Variants in FER1L5 observed in about 807,000 individuals in gnomAD.
The protein encoded by FER1L5 is fer-1-like protein 5.
FER1L5 carries 187 observed loss-of-function variants against 279.9 expected under a neutral mutation model. That is an observed-to-expected ratio of 0.67 (90% CI 0.59 to 0.75). The LOEUF is 0.75. FER1L5 is among the 30% of genes least tolerant of loss of function. The probability of loss-of-function intolerance (pLI) is 0.00; values close to 1 mark genes in which losing one functional copy is unlikely to be tolerated. For missense variants in FER1L5, 2,091 were observed against 2,594.4 expected (o/e 0.81, Z 4.21); for synonymous variants, 921 against 989.7 (o/e 0.93, Z 1.30).
Position 96,702,808 on chromosome 2 carries a change from C to A in FER1L5, c.5397+67C>A. On this transcript the variant is annotated intron_variant, in intron 48 of 52. Coordinates refer to ENST00000624922, the MANE Select transcript of FER1L5 (RefSeq NM_001293083.2). This position sits in a 1 kb window ranked among gnomAD's most constrained non-coding sequence, Gnocchi z 4.0. ...CAGACCCAGGCTCCTGGAGCTCCTC[C>A]CCCCACCCCTCCAGAGGCTTGCAAT... 1.3e-6 allele frequency: 2 copies of A among 1,587,396 alleles called. No homozygotes were observed. Among genetic ancestry groups the A allele is most frequent in the South Asian group, 1.1e-5 (1 of 87,862 alleles).
chr2:96,670,347 C>A, intron 18 of FER1L5, 100 bp downstream of exon 18: 1 of 1,457,364 alleles, frequency 6.9e-7, no homozygotes, highest in Non-Finnish European at 9.2e-7. Flanking sequence ...AGGCCCTGGC[C>A]ACTGGCTGTT....
chr2:96,700,420 G>A lies in FER1L5; in HGVS notation c.5019G>A (p.Glu1673=), dbSNP rs1361133518. 1 of 1,613,808 alleles carries A rather than the reference G, an allele frequency of 6.2e-7. No homozygotes were observed. Among genetic ancestry groups the A allele is most frequent in the South Asian group, 1.1e-5 (1 of 91,082 alleles). ...TGCACACCCAGGGGCTGGTACCTGA[G>A]CACGTGGAGACCCGCACACTGTACA... The part of the protein sequence containing the change: ...YLLHTQGLVP[E]HVETRTLYSH... Residue 1673 remains glutamate, a synonymous_variant, in exon 45 of 53, where the codon GAG becomes GAA. Transcript: ENST00000624922.
chr2:96,696,120 G>A (rs558945224), intron 37 of FER1L5, 43 bp downstream of exon 37: 28 of 1,611,944 alleles, frequency 1.7e-5, no homozygotes, highest in South Asian at 5.5e-5. Flanking sequence ...TACTGTTGAC[G>A]GGGTATAACC....
At chr2:96,688,140 G>A (rs972565087) in intron 24 of FER1L5, among the ~76,000 whole-genome samples, 193 bp downstream of exon 24, 1 of 152,228 alleles carries the variant, frequency 6.6e-6, no homozygotes, top group African/African-American at 2.4e-5. Flanking sequence ...GTCTGCTGGA[G>A]GAGGCAGAGA....
chr2:96,671,421 G>C (rs1004643942), intron 18 of FER1L5, among the ~76,000 whole-genome samples: 1 of 152,224 alleles, frequency 6.6e-6, no homozygotes, highest in African/African-American at 2.4e-5. Context: ...CCAACAGAAC[G>C]TAAGTGAGGC....
intron 19 of FER1L5, among the ~76,000 whole-genome samples, chr2:96,683,124 C>T (rs1024932275): frequency 1.3e-5 from 2 of 152,148 alleles, no homozygotes; most frequent in East Asian, 3.8e-4. Flanking sequence ...CCGGCCCCAA[C>T]GGCTTAGGGT....
intron 1 of FER1L5, among the ~76,000 whole-genome samples, chr2:96,645,176 T>C (rs2075064291): frequency 6.6e-6 from 1 of 152,178 alleles, no homozygotes; most frequent in Non-Finnish European, 1.5e-5. Flanking sequence ...GCTCCGGCAA[T>C]AAATAAACCC....
chr2:96,691,959 C>A lies in FER1L5; in HGVS notation c.3210C>A (p.Phe1070Leu). ...ACTTGCCCTTCATCTACTGCACCTT[C>A]AATAGTAAGCACTGACTTGGGAGTC... ...PPNLPFIYCTFNKPHYYQLFC... is the reference protein window; with the variant it reads ...PPNLPFIYCTLNKPHYYQLFC... Residue 1070 changes from phenylalanine to leucine, a missense_variant, in exon 30 of 53, where the codon TTC (phenylalanine) becomes TTA (leucine). Phe to Leu is a conservative substitution (Grantham distance 22). Coordinates refer to ENST00000624922, the MANE Select transcript of FER1L5 (RefSeq NM_001293083.2). The surrounding 1 kb of genome is among the most constrained non-coding windows in gnomAD (Gnocchi z 6.0). 6.6e-7 allele frequency: 1 copy of A among 1,516,432 alleles called. No individual in the cohort carries two copies. The highest frequency in any genetic ancestry group is 1.2e-5 in the South Asian group (1 of 83,262). 93.9% of individuals were successfully genotyped at this position (1,516,432 alleles called of 1,614,324 possible). A position where few individuals can be genotyped will look rare whatever the true frequency, so the allele number is the denominator to read the frequency against.
chr2:96,704,610 T>TA lies in FER1L5; in HGVS notation c.6093dup (p.Asp2032ArgfsTer3), dbSNP rs2077718417. 1 of 1,613,826 alleles carries TA rather than the reference T, an allele frequency of 6.2e-7. No homozygotes were observed. Among genetic ancestry groups the TA allele is most frequent in the Non-Finnish European group, 8.5e-7 (1 of 1,179,896 alleles). On this transcript the variant is annotated frameshift_variant, in exon 53 of 53. Transcript: ENST00000624922. LOFTEE classifies it low-confidence loss of function (END_TRUNC). ...CAGGATCCAAACCTAAAGCCTACAA[T>TA]AGACCATGAGTGGAAACTCCACCCA...
chr2:96,650,091 C>A (rs2106437638), intron 5 of FER1L5, 89 bp from the exon 6 acceptor site: 1 of 1,005,922 alleles, frequency 9.9e-7, no homozygotes, highest in South Asian at 1.4e-5. Flanking sequence ...AGGAGATGGT[C>A]ACTGGGGACA....
In FER1L5 at chr2:96,690,552, C is replaced by T; in HGVS notation, c.2706C>T (p.Asp902=). ...CCCAAGGCTGGCACTTTAAGAAGGA[C>T]TGGGTGGTGGAGCTGAACCACGCAG... ...KCPQGWHFKK[D]WVVELNHAVD... The change falls in exon 27 of 53, where the codon GAC becomes GAT. Residue 902 remains aspartate, a synonymous_variant. Transcript: ENST00000624922. 1 of 1,551,676 alleles carries T rather than the reference C, an allele frequency of 6.4e-7. No homozygotes were observed. The highest frequency in any genetic ancestry group is 8.7e-7 in the Non-Finnish European group (1 of 1,146,980).
rs769303983 is a variant in FER1L5 at position 96,686,312 on chromosome 2, G to A, written c.2191G>A (p.Gly731Ser). The change falls in exon 23 of 53, where the codon GGC becomes AGC. Residue 731 changes from glycine to serine, a missense_variant. Physicochemically the swap from Gly to Ser is moderately conservative, Grantham distance 56 (BLOSUM62 0). Coordinates refer to ENST00000624922, the MANE Select transcript of FER1L5 (RefSeq NM_001293083.2). ...LFSPAGALHS[G>S]RLCGKIQTLF... is the part of the protein sequence containing the mutation. ...CTCCCCGGCAGGGGCTCTGCACTCC[G>A]GCAGGCTCTGTGGGAAGATACAGAC... 33 of 1,551,494 alleles carry A rather than the reference G, an allele frequency of 2.1e-5. No individual in the cohort carries two copies. Among genetic ancestry groups the A allele is most frequent in the East Asian group, 7.3e-5 (3 of 40,916 alleles).
intron 19 of FER1L5, among the ~76,000 whole-genome samples, chr2:96,683,925 C>T (rs2076825589): frequency 6.6e-6 from 1 of 152,132 alleles, no homozygotes; most frequent in East Asian, 1.9e-4. Flanking sequence ...TGTACTTGTT[C>T]CCCCTGCCCC....
At chr2:96,656,179 T>C (rs1438281444) in intron 9 of FER1L5, among the ~76,000 whole-genome samples, 1 of 152,250 alleles carries the variant, frequency 6.6e-6, no homozygotes, top group African/African-American at 2.4e-5. Context: ...CATTTTATCT[T>C]TCTACATTTC....
At chr2:96,659,604 G>C (rs1347995205) in intron 9 of FER1L5, among the ~76,000 whole-genome samples, 6 of 149,632 alleles carry the variant, frequency 4.0e-5, no homozygotes, top group African/African-American at 1.2e-4. Context: ...CCATTCTCCT[G>C]CCTGAACCTC....
At chr2:96,659,351 T>C (rs1377939041) in intron 9 of FER1L5, among the ~76,000 whole-genome samples, 2 of 78,926 alleles carry the variant, frequency 2.5e-5, no homozygotes, top group African/African-American at 4.7e-5. Flanking sequence ...CCTTCCTTCC[T>C]TCCTTCCTTC....
chr2:96,704,644 A>C lies in FER1L5; in HGVS notation c.6126A>C (p.Thr2042=). 6.2e-7 allele frequency: 1 copy of C among 1,613,994 alleles called. No individual in the cohort carries two copies. Among genetic ancestry groups the C allele is most frequent in the Non-Finnish European group, 8.5e-7 (1 of 1,179,892 alleles). The change falls in exon 53 of 53, where the codon ACA becomes ACC. Residue 2042 remains threonine (T), a synonymous_variant. Coordinates refer to ENST00000624922, the MANE Select transcript of FER1L5 (RefSeq NM_001293083.2). ...AGTGGAAACTCCACCCAGGACCCAC[A>C]AATCACCTGAGTGATATTTTCCCAG... ...DHEWKLHPGP[T]NHLSDIFPEL...
At position 96,704,706 on chromosome 2, in the gene FER1L5, C is replaced by T; in HGVS notation, c.*14C>T. ...CCAGGAGACTAATTAGTCCATGCTG[C>T]CTGGCTTTCCTCCTGCTACCAACAG... On this transcript the variant is annotated 3_prime_UTR_variant, in exon 53 of 53. Transcript: ENST00000624922. The T allele has an allele frequency of 6.2e-7, 1 of 1,606,900 alleles. No homozygotes were observed. The highest frequency in any genetic ancestry group is 8.5e-7 in the Non-Finnish European group (1 of 1,173,654).
In FER1L5 at chr2:96,691,963, A is replaced by G; in HGVS notation, c.3214A>G (p.Lys1072Glu). ...GCCCTTCATCTACTGCACCTTCAAT[A>G]GTAAGCACTGACTTGGGAGTCTACT... ...NLPFIYCTFNKPHYYQLFCYI... is the reference protein window; with the variant it reads ...NLPFIYCTFNEPHYYQLFCYI... The change falls in exon 30 of 53, where the codon AAG becomes GAG. Residue 1072 changes from lysine (K) to glutamate (E), a missense_variant and splice_region_variant. Physicochemically the swap from Lys to Glu is moderately conservative, Grantham distance 56. Coordinates refer to ENST00000624922, the MANE Select transcript of FER1L5 (RefSeq NM_001293083.2). The surrounding 1 kb of genome is among the most constrained non-coding windows in gnomAD (Gnocchi z 6.0). The G allele has an allele frequency of 6.8e-7, 1 of 1,477,272 alleles. No homozygotes were observed. The highest frequency in any genetic ancestry group is 9.0e-7 in the Non-Finnish European group (1 of 1,109,276). 91.5% of individuals were successfully genotyped at this position (1,477,272 alleles called of 1,614,324 possible).
Sources: allele counts gnomAD v4.1 joint callset (sites outside exome capture counted in the v4.1 genomes callset), GRCh38; gene constraint gnomAD v4.1.1; non-coding constraint Gnocchi (gnomAD v3.1); transcripts MANE v1.5; gene names NCBI Gene and HGNC (gene_info 2026-07-23, HGNC 2026-07-21).